LYRM4: variants seen among roughly 807,000 people sequenced by gnomAD.
LYRM4 encodes the protein LYR motif-containing protein 4.
Under a neutral mutation model 11.7 loss-of-function variants are expected in LYRM4, and 9 were observed. The ratio of observed to expected loss-of-function variants is 0.77; its 90% CI spans 0.46 to 1.34. The LOEUF is 1.34. Ranked by LOEUF, LYRM4 falls within the 40% of genes most tolerant of loss-of-function variation. The pLI, the probability that LYRM4 is intolerant of heterozygous loss-of-function variation, is 0.00. For synonymous variants in LYRM4, 42 were observed against 40.4 expected, an observed-to-expected ratio of 1.04 and a Z score of -0.15; for missense variants, 133 against 112.5, an observed-to-expected ratio of 1.18 and a Z score of -0.82.
chr6:5,129,497 G>C (rs554030733), intron 2 of LYRM4, among the ~76,000 whole-genome samples: 1 of 152,254 alleles, frequency 6.6e-6, no homozygotes, highest in East Asian at 1.9e-4. Flanking sequence ...CAGCCGCTCT[G>C]ATCTCTGCTT....
At chr6:5,144,107 T>C (rs1757562145) in intron 2 of LYRM4, 1 of 1,534,772 alleles carries the variant, frequency 6.5e-7, no homozygotes, top group Non-Finnish European at 8.7e-7. Flanking sequence ...AGCGATCTGA[T>C]CTGATGTGAC....
the LYRM4 span, among the ~76,000 whole-genome samples, chr6:5,070,047 A>G: frequency 6.6e-6 from 1 of 152,344 alleles, no homozygotes; most frequent in African/African-American, 2.4e-5. Flanking sequence ...TCCTGTTTCA[A>G]TGTTCATAAT....
At chr6:5,174,144 C>T (rs1327942338) in intron 2 of LYRM4, among the ~76,000 whole-genome samples, 1 of 151,850 alleles carries the variant, frequency 6.6e-6, no homozygotes, top group African/African-American at 2.4e-5. Context: ...TTAGTAGATT[C>T]TCTGGAAACA....
At chr6:5,138,799 T>G in intron 2 of LYRM4, 1 of 1,279,560 alleles carries the variant, frequency 7.8e-7, no homozygotes, top group Non-Finnish European at 1.1e-6. Flanking sequence ...AAAGAAAGAG[T>G]TCTTTGGGAT....
At chr6:5,124,064 C>A (rs376847151) in intron 2 of LYRM4, among the ~76,000 whole-genome samples, 1 of 152,082 alleles carries the variant, frequency 6.6e-6, no homozygotes. Flanking sequence ...GTGGAGAGGG[C>A]GGGCACACGC....
the LYRM4 span, among the ~76,000 whole-genome samples, chr6:5,061,382 G>A: frequency 1.3e-4 from 20 of 152,276 alleles, no homozygotes; most frequent in East Asian, 3.5e-3. Context: ...ATAGCAAAAC[G>A]ATGATTTCAC....
chr6:5,032,254 C>T, the LYRM4 span: 3 of 152,146 alleles, frequency 2.0e-5, no homozygotes, highest in Admixed American at 2.0e-4. Context: ...TAAGCGGTTC[C>T]CTCAAGGCTG....
chr6:5,073,277 C>T, the LYRM4 span, among the ~76,000 whole-genome samples: 1 of 151,888 alleles, frequency 6.6e-6, no homozygotes, highest in African/African-American at 2.4e-5. Flanking sequence ...GGCTGTGGCA[C>T]AAGAATCATT....
chr6:5,122,397 G>A (rs974709927), intron 2 of LYRM4, among the ~76,000 whole-genome samples: 2 of 152,188 alleles, frequency 1.3e-5, no homozygotes, highest in African/African-American at 4.8e-5. Flanking sequence ...CAAGGGTCCT[G>A]CACCAGAAAT....
chr6:5,159,229 TG>T (rs1758606863), intron 2 of LYRM4, among the ~76,000 whole-genome samples: 1 of 152,056 alleles, frequency 6.6e-6, no homozygotes, highest in Admixed American at 6.6e-5. Flanking sequence ...GACACGTATG[TG>T]GGTGTCATCC....
intron 2 of LYRM4, among the ~76,000 whole-genome samples, chr6:5,128,988 C>CA (rs1394693792): frequency 1.3e-5 from 2 of 152,220 alleles, no homozygotes; most frequent in African/African-American, 2.4e-5. Context: ...TGCGCTTGCT[C>CA]AAAAAACTGC....
chr6:5,152,045 C>T (rs769687790), intron 2 of LYRM4, among the ~76,000 whole-genome samples: 6 of 152,090 alleles, frequency 3.9e-5, no homozygotes, highest in South Asian at 2.1e-4. Context: ...GGGTGATTCA[C>T]GCATATTTGA....
At chr6:5,085,546 G>T in the LYRM4 span, 3 of 1,540,522 alleles carry the variant, frequency 1.9e-6, no homozygotes, top group Non-Finnish European at 2.6e-6. Flanking sequence ...CTTCCGAGAG[G>T]CCCCGCCGGC....
chr6:5,110,728 G>A (rs1762843571), intron 2 of LYRM4, among the ~76,000 whole-genome samples: 2 of 152,114 alleles, frequency 1.3e-5, no homozygotes, highest in Non-Finnish European at 2.9e-5. Context: ...ATGGGAAGGG[G>A]GTGTAGAGAA....
chr6:5,126,715 A>G (rs779069844), intron 2 of LYRM4, among the ~76,000 whole-genome samples: 3 of 152,246 alleles, frequency 2.0e-5, no homozygotes, highest in Non-Finnish European at 4.4e-5. Flanking sequence ...GCTAAGTGAT[A>G]GAAGCCAAAC....
intron 1 of LYRM4, among the ~76,000 whole-genome samples, chr6:5,219,287 G>C (rs188271610): frequency 3.3e-5 from 5 of 152,300 alleles, no homozygotes; most frequent in African/African-American, 1.2e-4. Context: ...CCCAGGGTCA[G>C]GATATTCTGC....
the LYRM4 span, among the ~76,000 whole-genome samples, chr6:5,093,995 G>C: frequency 6.6e-6 from 1 of 152,220 alleles, no homozygotes; most frequent in Non-Finnish European, 1.5e-5. Context: ...CGACTAGGTT[G>C]GTTCTTGGGA....
intron 1 of LYRM4, among the ~76,000 whole-genome samples, chr6:5,245,772 C>T (rs1764169838): frequency 6.6e-6 from 1 of 152,174 alleles, no homozygotes; most frequent in Admixed American, 6.5e-5. Flanking sequence ...GGGCTGTGAA[C>T]TTACAGGACT....
chr6:5,230,985 C>T (rs1763204399), intron 1 of LYRM4, among the ~76,000 whole-genome samples: 1 of 152,096 alleles, frequency 6.6e-6, no homozygotes, highest in Non-Finnish European at 1.5e-5. Context: ...TCCATATAAA[C>T]ACATTTCAAG....
Sources: gnomAD v4.1 joint callset for allele counts (sites outside exome capture counted in the v4.1 genomes callset) on GRCh38, gnomAD v4.1.1 for gene constraint, MANE v1.5 for transcripts, NCBI Gene and HGNC (gene_info 2026-07-23, HGNC 2026-07-21) for gene names.